Variants in PKIG observed in about 807,000 individuals in gnomAD.
PKIG encodes cAMP-dependent protein kinase inhibitor gamma, also known as protein kinase (cAMP-dependent, catalytic) inhibitor gamma.
Under a neutral mutation model 6.8 loss-of-function variants are expected in PKIG, and 1 was observed. The observed-to-expected ratio is 0.15, with a 90% CI of 0.05 to 0.69. PKIG has a LOEUF of 0.69. PKIG is among the 30% of genes least tolerant of loss of function. The pLI is 0.82. For missense variants in PKIG, 77 were observed against 104.0 expected, an observed-to-expected ratio of 0.74 and a Z score of 1.13; for synonymous variants, 39 against 43.0, an observed-to-expected ratio of 0.91 and a Z score of 0.36.
At chr20:44,565,017 C>T (rs1030066274) in intron 1 of PKIG, among the ~76,000 whole-genome samples, 2 of 152,144 alleles carry the variant, frequency 1.3e-5, no homozygotes, top group African/African-American at 4.8e-5. Flanking sequence ...GACGTGTTGA[C>T]CTTGATACGA....
rs1404324116 is a variant in PKIG at position 44,537,075 on chromosome 20, A to T, written c.-241+5097A>T. On this transcript the variant is annotated intron_variant, in intron 1 of 4. Coordinates refer to the PKIG transcript ENST00000372887. ...CTCCCAAGTAGCTGGGATTACAAGC[A>T]CTTGCCATTATGCCCGGCTAATTTT... is the stretch of plus-strand genomic sequence containing the variant. 2.0e-5 allele frequency among the ~76,000 whole-genome samples: 3 copies of T among 152,120 alleles called. No homozygotes were observed. In the East Asian group the frequency reaches 5.8e-4, roughly 29 times the overall value.
chr20:44,556,160 A>G (rs1015255400), intron 1 of PKIG, among the ~76,000 whole-genome samples: 1 of 152,108 alleles, frequency 6.6e-6, no homozygotes, highest in Non-Finnish European at 1.5e-5. Flanking sequence ...TTTAAAGTTT[A>G]TTGCTGCTTT....
At chr20:44,551,070 GTT>G (rs3092146) in intron 1 of PKIG, among the ~76,000 whole-genome samples, 3 of 148,550 alleles carry the variant, frequency 2.0e-5, no homozygotes, top group African/African-American at 7.4e-5. Context: ...ACATTTTCCT[GTT>G]TTTTTTTTGA....
At chr20:44,592,187 C>T (rs895599802) in intron 2 of PKIG, among the ~76,000 whole-genome samples, 10 of 152,100 alleles carry the variant, frequency 6.6e-5, no homozygotes, top group Admixed American at 2.0e-4. Flanking sequence ...ATGAGGAAAC[C>T]GAGACTCAAA....
chr20:44,546,909 A>G (rs926471422), intron 1 of PKIG, among the ~76,000 whole-genome samples: 1 of 152,186 alleles, frequency 6.6e-6, no homozygotes, highest in African/African-American at 2.4e-5. Context: ...GTTCAATGTA[A>G]TGGAATTTGT....
rs796482642 is a variant in PKIG at position 44,544,925 on chromosome 20, C to CTTTTTTTTTTTT, written c.-241+12964_-241+12975dup. ...TCTTTCTTTCTTTCCTTCCTTCTTT[C>CTTTTTTTTTTTT]TTTTTTTTTTTTTTTTTTTTTTTTT... is the stretch of plus-strand genomic sequence containing the variant. On this transcript the variant is annotated intron_variant, in intron 1 of 4. Transcript: ENST00000372887. 8.9e-4 allele frequency among the ~76,000 whole-genome samples: 57 copies of CTTTTTTTTTTTT among 64,380 alleles called. 3 individuals are homozygous for CTTTTTTTTTTTT. The highest frequency in any genetic ancestry group is 2.4e-3 in the African/African-American group (32 of 13,382). 42.2% of individuals were successfully genotyped at this position (64,380 alleles called of 152,430 possible).
intron 1 of PKIG, among the ~76,000 whole-genome samples, chr20:44,577,235 G>C (rs1005868039): frequency 1.3e-5 from 2 of 151,784 alleles, no homozygotes; most frequent in East Asian, 3.9e-4. Flanking sequence ...TCAGCCTCCC[G>C]AGTAGCTGGG....
At chr20:44,607,099 A>T (rs1233608864) in intron 2 of PKIG, among the ~76,000 whole-genome samples, 1 of 152,236 alleles carries the variant, frequency 6.6e-6, no homozygotes. Context: ...ATAATAAAAA[A>T]GTCACAGATC....
intron 1 of PKIG, among the ~76,000 whole-genome samples, chr20:44,538,132 C>T (rs752023562): frequency 5.3e-5 from 8 of 152,140 alleles, no homozygotes; most frequent in South Asian, 4.1e-4. Flanking sequence ...GGATTCAGCC[C>T]GTCACTTAGC....
chr20:44,558,563 CT>C (rs1460080835), intron 1 of PKIG, among the ~76,000 whole-genome samples: 1 of 140,958 alleles, frequency 7.1e-6, no homozygotes, highest in East Asian at 2.0e-4. Flanking sequence ...CTTTTTCTTT[CT>C]TTTTTTCTTT....
chr20:44,561,838 GATGATCA>G (rs1276099201), intron 1 of PKIG, among the ~76,000 whole-genome samples: 13 of 152,164 alleles, frequency 8.5e-5, no homozygotes, highest in African/African-American at 2.9e-4. Flanking sequence ...AGAGATAATT[GATGATCA>G]TTTTCTAGAA....
chr20:44,583,806 C>T (rs576826657), intron 1 of PKIG, among the ~76,000 whole-genome samples: 1 of 152,240 alleles, frequency 6.6e-6, no homozygotes, highest in Non-Finnish European at 1.5e-5. Flanking sequence ...GTATTGGGCC[C>T]TTATGGCTTT....
intron 1 of PKIG, among the ~76,000 whole-genome samples, chr20:44,571,224 A>AAATAATAATAAT (rs140802204): frequency 0.061 from 9,154 of 150,086 alleles, 296 homozygotes; most frequent in South Asian, 0.12. Flanking sequence ...AGAGAGACTC[A>AAATAATAATAAT]AATAATAATA....
chr20:44,594,740 C>T (rs1406953161), intron 2 of PKIG, among the ~76,000 whole-genome samples: 1 of 152,174 alleles, frequency 6.6e-6, no homozygotes, highest in African/African-American at 2.4e-5. Context: ...TCTCCAGGTC[C>T]TAGTAGTCCT....
At chr20:44,561,472 A>G (rs992480161) in intron 1 of PKIG, among the ~76,000 whole-genome samples, 3 of 152,260 alleles carry the variant, frequency 2.0e-5, no homozygotes, top group Admixed American at 6.5e-5. Flanking sequence ...TAGATTACCT[A>G]GCAAGAGAGA....
In PKIG at chr20:44,550,909, A is replaced by G. The variant is rs892318191; in HGVS notation, c.-241+18931A>G. ...GTGGAAAAAAATTAACAAGAGTACA[A>G]TGAGCACCTGTATCAAAAACCTAGC... On this transcript the variant is annotated intron_variant, in intron 1 of 4. Transcript: ENST00000372887. Among the ~76,000 whole-genome samples the G allele has an allele frequency of 7.9e-5, 12 of 152,188 alleles. No homozygotes were observed. The East Asian group carries it at 2.1e-3, about 27-fold the overall frequency.
At chr20:44,601,847 C>G (rs1433225194) in intron 2 of PKIG, among the ~76,000 whole-genome samples, 1 of 152,228 alleles carries the variant, frequency 6.6e-6, no homozygotes, top group Non-Finnish European at 1.5e-5. Context: ...TGGAATCTGC[C>G]TGAGCAATGA....
intron 2 of PKIG, among the ~76,000 whole-genome samples, chr20:44,591,561 G>A (rs1018168157): frequency 7.8e-6 from 1 of 128,144 alleles, no homozygotes; most frequent in African/African-American, 2.9e-5. Flanking sequence ...GACAGAGCCC[G>A]AAGTCTGAGA....
At chr20:44,584,594 G>C (rs2064974529) in intron 1 of PKIG, among the ~76,000 whole-genome samples, 1 of 151,386 alleles carries the variant, frequency 6.6e-6, no homozygotes, top group Non-Finnish European at 1.5e-5. Context: ...TTTTGTTTTT[G>C]TTTGTTTGTT....
Sources: gnomAD v4.1 joint callset for allele counts (sites outside exome capture counted in the v4.1 genomes callset) on GRCh38, gnomAD v4.1.1 for gene constraint, MANE v1.5 for transcripts, NCBI Gene and HGNC (gene_info 2026-07-23, HGNC 2026-07-21) for gene names.